Variants in FAM193B observed in about 807,000 individuals in gnomAD.
FAM193B encodes the protein protein FAM193B.
Under a neutral mutation model 70.7 loss-of-function variants are expected in FAM193B, and 27 were observed. That is an observed-to-expected ratio of 0.38 (90% CI 0.28 to 0.53). The LOEUF (loss-of-function observed/expected upper bound fraction) is 0.53. FAM193B is among the 20% of genes least tolerant of loss of function. The pLI, the probability that FAM193B is intolerant of heterozygous loss-of-function variation, is 0.81. For missense variants in FAM193B, 1,022 were observed against 1,072.5 expected, an observed-to-expected ratio of 0.95 and a Z score of 0.66; for synonymous variants, 448 against 436.0, an observed-to-expected ratio of 1.03 and a Z score of -0.34.
intron 1 of FAM193B, among the ~76,000 whole-genome samples, chr5:177,551,826 G>C (rs1387288264): frequency 6.6e-6 from 1 of 152,170 alleles, no homozygotes; most frequent in Non-Finnish European, 1.5e-5. Context: ...GTGGCAATGG[G>C]AGCCAGAGTT....
At chr5:177,536,097 A>G (rs1439802070) in intron 4 of FAM193B, among the ~76,000 whole-genome samples, 1 of 151,988 alleles carries the variant, frequency 6.6e-6, no homozygotes, top group East Asian at 1.9e-4. Flanking sequence ...TTTTTTGTAG[A>G]GAGGGGGGTC....
At chr5:177,547,560 A>G (rs1765614756) in intron 1 of FAM193B, among the ~76,000 whole-genome samples, 1 of 151,966 alleles carries the variant, frequency 6.6e-6, no homozygotes, top group African/African-American at 2.4e-5. Flanking sequence ...CTGGGATTAC[A>G]GGCGTGAGCC....
intron 5 of FAM193B, among the ~76,000 whole-genome samples, chr5:177,526,213 A>T (rs967126417): frequency 6.6e-6 from 1 of 152,222 alleles, no homozygotes; most frequent in Non-Finnish European, 1.5e-5. Flanking sequence ...GACTACAGTC[A>T]ATTGTTCTGT....
At chr5:177,542,233 G>C (rs946636269) in intron 1 of FAM193B, among the ~76,000 whole-genome samples, 1 of 152,250 alleles carries the variant, frequency 6.6e-6, no homozygotes, top group Non-Finnish European at 1.5e-5. Flanking sequence ...CTGGGGCGCA[G>C]TGGAAACAAC....
intron 1 of FAM193B, among the ~76,000 whole-genome samples, chr5:177,547,880 A>C (rs943148038): frequency 1.3e-5 from 2 of 152,184 alleles, no homozygotes; most frequent in African/African-American, 4.8e-5. Flanking sequence ...ATGTTGGCCC[A>C]CAGGCTGCAC....
At position 177,554,494 on chromosome 5, in the gene FAM193B, GCCGCCGCCGCCGCCGCCGC is replaced by G. The variant is rs1159849793; in HGVS notation, c.-55_-37del. The G allele has an allele frequency of 5.1e-4, 362 of 703,612 alleles. 2 individuals are homozygous for G. Among genetic ancestry groups the G allele is most frequent in the South Asian group, 2.2e-3 (33 of 15,052 alleles). 43.6% of individuals were successfully genotyped at this position (703,612 alleles called of 1,614,324 possible). A position where few individuals can be genotyped will look rare whatever the true frequency, so the allele number is the denominator to read the frequency against. The stretch of plus-strand genomic sequence containing the variant: ...GCGCCGCTCCCTCGCTCCACACGCC[GCCGCCGCCGCCGCCGCCGC>G]CGCCGCCGCCGCCGCCGCTACCGCT... On this transcript the variant is annotated 5_prime_UTR_variant, in exon 1 of 9. Transcript: ENST00000514747.
chr5:177,538,839 G>C lies in FAM193B; in HGVS notation c.453+66C>G, dbSNP rs1441502412. 1.3e-6 allele frequency: 2 copies of C among 1,590,798 alleles called. No homozygotes were observed. Among genetic ancestry groups the C allele is most frequent in the East Asian group, 2.2e-5 (1 of 44,610 alleles). On this transcript the variant is annotated intron_variant, in intron 2 of 8. Transcript: ENST00000514747. The surrounding 1 kb of genome is among the most constrained non-coding windows in gnomAD (Gnocchi z 4.1). Reference sequence around the variant, plus strand: ...CCAAGGAGAGCCACCTGAGGACAGGGAACAGCCTGACTTCCTTGGGGAGGA... The same window carrying C: ...CCAAGGAGAGCCACCTGAGGACAGGCAACAGCCTGACTTCCTTGGGGAGGA...
At chr5:177,554,125 C>G in intron 1 of FAM193B, 124 bp downstream of exon 1, 1 of 1,414,732 alleles carries the variant, frequency 7.1e-7, no homozygotes, top group Non-Finnish European at 9.3e-7. Flanking sequence ...CGGCGCCGGA[C>G]CCGGGGGAAG....
At chr5:177,551,332 GT>G (rs1243366466) in intron 1 of FAM193B, among the ~76,000 whole-genome samples, 1 of 151,640 alleles carries the variant, frequency 6.6e-6, no homozygotes, top group Admixed American at 6.6e-5. Context: ...CAGCCTTCTT[GT>G]GCTATAAACG....
At chr5:177,534,537 C>T (rs928726368) in intron 4 of FAM193B, among the ~76,000 whole-genome samples, 6 of 151,794 alleles carry the variant, frequency 4.0e-5, no homozygotes, top group African/African-American at 1.5e-4. Context: ...TTCTTGACCT[C>T]GTGATCTGCT....
At chr5:177,553,593 T>G in intron 1 of FAM193B, 2 of 1,196,604 alleles carry the variant, frequency 1.7e-6, no homozygotes, top group South Asian at 3.0e-5. Flanking sequence ...CTCAGCAGGA[T>G]TCTCCAAACC....
At chr5:177,553,671 G>A (rs927502482) in intron 1 of FAM193B, 5 of 1,285,454 alleles carry the variant, frequency 3.9e-6, no homozygotes, top group Non-Finnish European at 5.1e-6. Flanking sequence ...GTTCTGCTGG[G>A]TTTCCACCTC....
chr5:177,530,313 G>A (rs1245843406), intron 5 of FAM193B, among the ~76,000 whole-genome samples: 1 of 152,102 alleles, frequency 6.6e-6, no homozygotes, highest in Non-Finnish European at 1.5e-5. Flanking sequence ...GGGAACCTTC[G>A]AGTCAACATG....
At chr5:177,521,149 C>T (rs564036889) in intron 8 of FAM193B, among the ~76,000 whole-genome samples, 12 of 152,232 alleles carry the variant, frequency 7.9e-5, no homozygotes, top group Middle Eastern at 3.4e-3. Context: ...GGTTGCCAGC[C>T]GGAAAAGGCC....
At chr5:177,527,156 G>C (rs1317645411) in intron 5 of FAM193B, among the ~76,000 whole-genome samples, 1 of 152,158 alleles carries the variant, frequency 6.6e-6, no homozygotes, top group Non-Finnish European at 1.5e-5. Flanking sequence ...AGAAGGAATA[G>C]CAAGTGGAAA....
intron 4 of FAM193B, 127 bp downstream of exon 4, chr5:177,536,231 C>A: frequency 9.0e-7 from 1 of 1,107,456 alleles, no homozygotes; most frequent in East Asian, 2.6e-5. Flanking sequence ...TACTTCTTTA[C>A]AATTGAAAAA....
At position 177,532,510 on chromosome 5, in the gene FAM193B, G is replaced by A; in HGVS notation, c.1208C>T (p.Ser403Phe). The A allele has an allele frequency of 6.2e-7, 1 of 1,611,420 alleles. No individual in the cohort carries two copies. The highest frequency in any genetic ancestry group is 1.7e-4 in the Middle Eastern group (1 of 6,058). Residue 403 changes from serine to phenylalanine, a missense_variant, in exon 5 of 9, where the codon TCC becomes TTC. Ser to Phe is a radical substitution (Grantham distance 155). Transcript: ENST00000514747. The surrounding 1 kb of genome is among the most constrained non-coding windows in gnomAD (Gnocchi z 4.9). The stretch of plus-strand genomic sequence containing the variant: ...CTTCCCATCTCTCTGGTGGGTGGAG[G>A]ATGAGGTGCAGGAGCTTCGCTCAGA... ...SSSERSSCTS[S>F]STHQRDGKFC...
At position 177,552,334 on chromosome 5, in the gene FAM193B, GAAGT is replaced by G. The variant is rs1037199031; in HGVS notation, c.210+1911_210+1914del. On this transcript the variant is annotated intron_variant, in intron 1 of 8. Transcript: ENST00000514747. ...AAATACAGGTGAGGTGGGAAGATTA[GAAGT>G]AAGGTATGTAAAGTGCCTGGCACAA... Among the ~76,000 whole-genome samples, 71 of 152,336 alleles carry G rather than the reference GAAGT, an allele frequency of 4.7e-4. 1 individual carries two copies. The highest frequency in any genetic ancestry group is 1.6e-3 in the African/African-American group (68 of 41,574).
chr5:177,533,501 T>G (rs1305086656), intron 4 of FAM193B, among the ~76,000 whole-genome samples: 1 of 152,084 alleles, frequency 6.6e-6, no homozygotes, highest in East Asian at 1.9e-4. Context: ...GAGATGGGGT[T>G]TCACCATGTT....
Sources: gnomAD v4.1 joint callset for allele counts (sites outside exome capture counted in the v4.1 genomes callset) on GRCh38, gnomAD v4.1.1 for gene constraint, Gnocchi (gnomAD v3.1) non-coding constraint, MANE v1.5 for transcripts, NCBI Gene and HGNC (gene_info 2026-07-23, HGNC 2026-07-21) for gene names.